The following KHDRBS2 variants were observed in gnomAD, a reference collection of about 807,000 sequenced individuals.
KHDRBS2 encodes the protein KH RNA binding domain containing, signal transduction associated 2, also known as KH domain-containing, RNA-binding, signal transduction-associated protein 2.
KHDRBS2 carries 26 observed loss-of-function variants against 44.3 expected under a neutral mutation model. That is an observed-to-expected ratio of 0.59 (90% CI 0.43 to 0.81). The LOEUF (loss-of-function observed/expected upper bound fraction) is 0.81. Among genes scored for constraint, KHDRBS2 ranks in the 40% least tolerant of loss-of-function variants. The pLI, the probability that KHDRBS2 is intolerant of heterozygous loss-of-function variation, is 0.00. For synonymous variants in KHDRBS2, 194 were observed against 151.1 expected (o/e 1.28, Z -2.08); for missense variants, 476 against 433.1 (o/e 1.10, Z -0.88).
At chr6:62,233,301 C>T (rs1833177483) in intron 1 of KHDRBS2, among the ~76,000 whole-genome samples, 1 of 152,106 alleles carries the variant, frequency 6.6e-6, no homozygotes, top group Non-Finnish European at 1.5e-5. Context: ...GTTTCTCACT[C>T]TTGAAGGTGT....
chr6:61,857,603 A>G (rs1173651840), intron 6 of KHDRBS2, among the ~76,000 whole-genome samples: 1 of 126,546 alleles, frequency 7.9e-6, no homozygotes, highest in East Asian at 2.3e-4. Flanking sequence ...TTTTCATAAC[A>G]CTTTTAAGAA....
chr6:61,586,753 C>T, the KHDRBS2 span, among the ~76,000 whole-genome samples: 1 of 151,824 alleles, frequency 6.6e-6, no homozygotes, highest in Non-Finnish European at 1.5e-5. Flanking sequence ...TAAAGCCAGC[C>T]CAGAAAAAAA....
chr6:62,211,288 G>C (rs1828999258), intron 1 of KHDRBS2, among the ~76,000 whole-genome samples: 1 of 148,026 alleles, frequency 6.8e-6, no homozygotes, highest in South Asian at 2.2e-4. Context: ...TTAGTTTCCA[G>C]AGTTATGCAG....
chr6:62,161,578 G>A (rs1487170413), intron 2 of KHDRBS2, among the ~76,000 whole-genome samples: 3 of 131,296 alleles, frequency 2.3e-5, no homozygotes, highest in Non-Finnish European at 4.8e-5. Flanking sequence ...ATTTGCGGGG[G>A]GGGGGGGGGT....
At chr6:61,984,395 G>GC in intron 3 of KHDRBS2, among the ~76,000 whole-genome samples, 1 of 152,022 alleles carries the variant, frequency 6.6e-6, no homozygotes, top group Non-Finnish European at 1.5e-5. Flanking sequence ...AAAATGTGGA[G>GC]ACCCATTTGG....
chr6:61,846,298 T>C (rs1284471444), intron 6 of KHDRBS2, among the ~76,000 whole-genome samples: 2 of 152,224 alleles, frequency 1.3e-5, no homozygotes, highest in East Asian at 3.9e-4. Flanking sequence ...GCATGCTCCA[T>C]AGGGAATATT....
chr6:62,052,916 T>G (rs1457610100), intron 2 of KHDRBS2, among the ~76,000 whole-genome samples: 1 of 151,958 alleles, frequency 6.6e-6, no homozygotes, highest in Non-Finnish European at 1.5e-5. Context: ...GGACCCCTGG[T>G]GTACACAATG....
At chr6:61,713,598 C>G (rs62423549) in intron 7 of KHDRBS2, among the ~76,000 whole-genome samples, 9 of 145,684 alleles carry the variant, frequency 6.2e-5, no homozygotes, top group African/African-American at 2.0e-4. Flanking sequence ...TTTTTTTTCC[C>G]TTAGGATTGC....
Position 62,210,680 on chromosome 6 carries a change from T to C in KHDRBS2, c.92-33368A>G, listed in dbSNP as rs116431285. ...TCTATAAATATCTTATTTATTCACA[T>C]TTTTCCAATTAAGAATTATTCACAG... On this transcript the variant is annotated intron_variant, in intron 1 of 8. Transcript: ENST00000281156. 2.5e-3 allele frequency among the ~76,000 whole-genome samples: 377 copies of C among 152,238 alleles called. 1 individual carries two copies. Among genetic ancestry groups the C allele is most frequent in the African/African-American group, 8.8e-3 (366 of 41,562 alleles).
intron 4 of KHDRBS2, among the ~76,000 whole-genome samples, chr6:61,955,102 A>ATG (rs1164969674): frequency 5.4e-4 from 66 of 121,962 alleles, no homozygotes; most frequent in African/African-American, 1.8e-3. Context: ...ATATATGTAT[A>ATG]TATACACATA....
chr6:61,848,511 GTATATA>G (rs1178845054), intron 6 of KHDRBS2, among the ~76,000 whole-genome samples: 5 of 30,074 alleles, frequency 1.7e-4, no homozygotes, highest in African/African-American at 5.7e-4. Flanking sequence ...ATATATATAT[GTATATA>G]TGTATATATA....
chr6:62,185,861 T>G (rs989279054), intron 1 of KHDRBS2, among the ~76,000 whole-genome samples: 2 of 152,042 alleles, frequency 1.3e-5, no homozygotes, highest in African/African-American at 4.8e-5. Flanking sequence ...GAAATTTCAC[T>G]CTTTATAAAC....
intron 6 of KHDRBS2, among the ~76,000 whole-genome samples, chr6:61,812,712 C>T (rs1369554312): frequency 6.6e-6 from 1 of 151,982 alleles, no homozygotes; most frequent in Non-Finnish European, 1.5e-5. Context: ...CAAACCACTA[C>T]TCTGTAAAAC....
Position 61,777,301 on chromosome 6 carries a change from T to TA in KHDRBS2, c.811-44538dup, listed in dbSNP as rs200784772. ...CTTAAAGTATAATAATAATAAAATATAAAAAAAATTCCACTGGGTCTAACA... is the reference window on the plus strand; with the variant it reads ...CTTAAAGTATAATAATAATAAAATATAAAAAAAAATTCCACTGGGTCTAACA... On this transcript the variant is annotated intron_variant, in intron 6 of 8. Transcript: ENST00000281156. 2.1e-3 allele frequency among the ~76,000 whole-genome samples: 313 copies of TA among 151,694 alleles called. 3 individuals are homozygous for TA. Among genetic ancestry groups the TA allele is most frequent in the African/African-American group, 6.8e-3 (281 of 41,436 alleles).
chr6:62,066,066 T>C (rs1454792406), intron 2 of KHDRBS2, among the ~76,000 whole-genome samples: 1 of 151,708 alleles, frequency 6.6e-6, no homozygotes, highest in Non-Finnish European at 1.5e-5. Flanking sequence ...TTTGCCATAT[T>C]TATACAACTG....
At chr6:62,209,470 C>T (rs1309268891) in intron 1 of KHDRBS2, among the ~76,000 whole-genome samples, 2 of 152,204 alleles carry the variant, frequency 1.3e-5, no homozygotes, top group Non-Finnish European at 1.5e-5. Context: ...CGTGTATACA[C>T]ACATCAACAC....
chr6:62,053,597 T>C (rs1359181725), intron 2 of KHDRBS2, among the ~76,000 whole-genome samples: 1 of 151,930 alleles, frequency 6.6e-6, no homozygotes, highest in Non-Finnish European at 1.5e-5. Context: ...CAAACTCACA[T>C]CATCTGAAAA....
At chr6:62,043,257 C>A (rs758319809) in intron 3 of KHDRBS2, among the ~76,000 whole-genome samples, 9 of 152,076 alleles carry the variant, frequency 5.9e-5, no homozygotes, top group Non-Finnish European at 1.2e-4. Flanking sequence ...AACACTCTAT[C>A]TGAAGCTACA....
At chr6:62,033,509 G>A (rs1186223851) in intron 3 of KHDRBS2, among the ~76,000 whole-genome samples, 2 of 151,748 alleles carry the variant, frequency 1.3e-5, no homozygotes, top group Admixed American at 6.6e-5. Flanking sequence ...AATACATCCG[G>A]CAGCAGACTT....
Sources: gnomAD v4.1 joint callset for allele counts (sites outside exome capture counted in the v4.1 genomes callset) on GRCh38, gnomAD v4.1.1 for gene constraint, MANE v1.5 for transcripts, NCBI Gene and HGNC (gene_info 2026-07-23, HGNC 2026-07-21) for gene names.